The following TMEM131 variants were observed in gnomAD, a reference collection of about 807,000 sequenced individuals.
TMEM131 encodes the protein 2610524E03Rik.
Under a neutral mutation model 211.6 loss-of-function variants are expected in TMEM131, and 66 were observed. The ratio of observed to expected loss-of-function variants is 0.31; its 90% CI spans 0.26 to 0.38. The LOEUF is 0.38. TMEM131 is among the 10% of genes least tolerant of loss of function. The pLI, the probability that TMEM131 is intolerant of heterozygous loss-of-function variation, is 1.00. For synonymous variants in TMEM131, 844 were observed against 841.3 expected (o/e 1.00, Z -0.06); for missense variants, 2,036 against 2,299.3 (o/e 0.89, Z 2.34).
chr2:97,884,672 CCTT>C (rs756816725), intron 4 of TMEM131, among the ~76,000 whole-genome samples: 5 of 152,112 alleles, frequency 3.3e-5, no homozygotes, highest in Non-Finnish European at 4.4e-5. Context: ...CTCATAATGT[CCTT>C]CTTTGTTGCT....
chr2:97,956,495 AT>A (rs897356985), intron 1 of TMEM131, among the ~76,000 whole-genome samples: 2 of 151,742 alleles, frequency 1.3e-5, no homozygotes, highest in Non-Finnish European at 2.9e-5. Context: ...TAAAATTTCG[AT>A]TTTTTTTCAA....
chr2:97,763,003 G>C (rs778189425), intron 35 of TMEM131: 8 of 152,172 alleles, frequency 5.3e-5, no homozygotes, highest in Admixed American at 1.3e-4. Context: ...GGAAGAAGGT[G>C]GGGGAGAGCT....
chr2:97,904,582 T>C (rs553515810), intron 3 of TMEM131, among the ~76,000 whole-genome samples: 22 of 152,306 alleles, frequency 1.4e-4, no homozygotes, highest in African/African-American at 4.8e-4. Context: ...TGCTTGGGTC[T>C]TGCTTTTTAA....
At chr2:97,780,971 C>A (rs1464145790) in intron 31 of TMEM131, among the ~76,000 whole-genome samples, 10 of 152,170 alleles carry the variant, frequency 6.6e-5, no homozygotes, top group Admixed American at 5.2e-4. Context: ...CGGGTTCACA[C>A]CACTGCCCGG....
intron 5 of TMEM131, among the ~76,000 whole-genome samples, chr2:97,856,512 CCTA>C (rs1419984930): frequency 6.6e-6 from 1 of 152,118 alleles, no homozygotes; most frequent in African/African-American, 2.4e-5. Flanking sequence ...TTCTGTATTT[CCTA>C]CTTTTTGGTT....
chr2:97,962,678 C>T (rs1243547148), intron 1 of TMEM131, among the ~76,000 whole-genome samples: 1 of 152,166 alleles, frequency 6.6e-6, no homozygotes, highest in Non-Finnish European at 1.5e-5. Flanking sequence ...TCAATCTACT[C>T]CCAGGTATTA....
chr2:97,828,925 T>A (rs1682524595), intron 11 of TMEM131, among the ~76,000 whole-genome samples: 1 of 152,158 alleles, frequency 6.6e-6, no homozygotes, highest in South Asian at 2.1e-4. Context: ...TCAAATTTGT[T>A]TCCTCTACGA....
chr2:97,943,867 A>G (rs1043169505), intron 1 of TMEM131, among the ~76,000 whole-genome samples: 1 of 152,116 alleles, frequency 6.6e-6, no homozygotes, highest in Non-Finnish European at 1.5e-5. Flanking sequence ...GCAGATCATG[A>G]GGTCAAGAGA....
chr2:97,851,659 T>C lies in TMEM131; in HGVS notation c.484-7398A>G, dbSNP rs114525773. ...CCAAATTTTTCATTATTATTATATC[T>C]GCATGGTGATCTGTGATCTTTGATG... is the stretch of plus-strand genomic sequence containing the variant. On this transcript the variant is annotated intron_variant, in intron 5 of 40. Transcript: ENST00000186436. 6.3e-3 allele frequency among the ~76,000 whole-genome samples: 953 copies of C among 152,362 alleles called. 14 individuals carry two copies. Among genetic ancestry groups the C allele is most frequent in the African/African-American group, 0.02 (831 of 41,594 alleles).
intron 19 of TMEM131, among the ~76,000 whole-genome samples, chr2:97,806,518 G>A (rs182541771): frequency 6.6e-6 from 1 of 152,180 alleles, no homozygotes. Flanking sequence ...TCCAGCCTGG[G>A]TGACAGAGTG....
At chr2:97,828,157 ATG>A (rs1158756902) in intron 11 of TMEM131, among the ~76,000 whole-genome samples, 1 of 150,926 alleles carries the variant, frequency 6.6e-6, no homozygotes, top group African/African-American at 2.4e-5. Context: ...GCTGACCAAC[ATG>A]TGAAGATACT....
At chr2:97,785,563 G>A in intron 31 of TMEM131, among the ~76,000 whole-genome samples, 1 of 152,202 alleles carries the variant, frequency 6.6e-6, no homozygotes, top group East Asian at 1.9e-4. Context: ...CTACGTTGCT[G>A]GTGGGAATGT....
In TMEM131 at chr2:97,822,711, C is replaced by T. The variant is rs989339630; in HGVS notation, c.1075-3990G>A. On this transcript the variant is annotated intron_variant, in intron 11 of 40. Transcript: ENST00000186436. ...AGGAAAACTAGTGTTTCTGCTGCTGCGTTGGTGAGTGCAACTATTCCGATC... is the reference window on the plus strand; with the variant it reads ...AGGAAAACTAGTGTTTCTGCTGCTGTGTTGGTGAGTGCAACTATTCCGATC... Among the ~76,000 whole-genome samples, 6 of 152,066 alleles carry T rather than the reference C, an allele frequency of 3.9e-5. No individual in the cohort carries two copies. The South Asian group carries it at 1.0e-3, about 26-fold the overall frequency.
intron 2 of TMEM131, among the ~76,000 whole-genome samples, chr2:97,913,676 CTT>C: frequency 6.6e-6 from 1 of 152,168 alleles, no homozygotes; most frequent in Non-Finnish European, 1.5e-5. Context: ...AAGATTTAAT[CTT>C]GTTAGAAAAA....
intron 1 of TMEM131, among the ~76,000 whole-genome samples, chr2:97,954,666 C>T (rs1419778224): frequency 2.0e-5 from 3 of 151,844 alleles, no homozygotes; most frequent in Admixed American, 6.6e-5. Flanking sequence ...ATTAGCTGGG[C>T]GTGGTGGCGT....
chr2:97,841,612 A>G (rs1461120350), intron 7 of TMEM131, among the ~76,000 whole-genome samples: 1 of 11,752 alleles, frequency 8.5e-5, no homozygotes, highest in South Asian at 4.5e-4. Flanking sequence ...TTCAAAATCC[A>G]GACTGCTGTA....
At chr2:97,816,983 T>C (rs759862904) in intron 12 of TMEM131, among the ~76,000 whole-genome samples, 3 of 152,084 alleles carry the variant, frequency 2.0e-5, no homozygotes, top group African/African-American at 4.8e-5. Context: ...GAGAGGTGAA[T>C]GGTGGGGGGA....
chr2:97,775,752 T>C (rs1679690454), intron 32 of TMEM131, 91 bp downstream of exon 32: 1 of 1,405,198 alleles, frequency 7.1e-7, no homozygotes, highest in Non-Finnish European at 9.6e-7. Context: ...ACTTTTGTAC[T>C]AAAACCAGAA....
intron 3 of TMEM131, among the ~76,000 whole-genome samples, chr2:97,896,875 A>C (rs1675636156): frequency 6.6e-6 from 1 of 152,132 alleles, no homozygotes. Context: ...TTCTAAAAAA[A>C]AAAATTGTCT....
Sources: gnomAD v4.1 joint callset for allele counts (sites outside exome capture counted in the v4.1 genomes callset) on GRCh38, gnomAD v4.1.1 for gene constraint, MANE v1.5 for transcripts, NCBI Gene and HGNC (gene_info 2026-07-23, HGNC 2026-07-21) for gene names.